The following SLC9B1 variants were observed in gnomAD, a reference collection of about 807,000 sequenced individuals.
The protein encoded by SLC9B1 is solute carrier family 9 member B1.
A neutral mutation model predicts 51.7 loss-of-function variants in SLC9B1; 32 were observed. The observed-to-expected ratio is 0.62, with a 90% CI of 0.47 to 0.83. The LOEUF (loss-of-function observed/expected upper bound fraction) is 0.83, where lower values mean the gene tolerates loss of function less well. Ranked by LOEUF, SLC9B1 falls within the 40% of genes least tolerant of loss-of-function variation. The pLI, the probability that SLC9B1 is intolerant of heterozygous loss-of-function variation, is 0.00. For synonymous variants in SLC9B1, 145 were observed against 212.7 expected, an observed-to-expected ratio of 0.68 and a Z score of 2.77; for missense variants, 406 against 613.2, an observed-to-expected ratio of 0.66 and a Z score of 3.57.
rs1319877290 is a variant in SLC9B1 at position 102,943,504 on chromosome 4, T to TACACACAC, written c.653+1688_653+1689insGTGTGTGT. On this transcript the variant is annotated intron_variant, in intron 6 of 11. Transcript: ENST00000296422. ...GTATCTATGTGTATATATGTGTATGTATACACACACACACACACACACACA... is the reference window on the plus strand; with the variant it reads ...GTATCTATGTGTATATATGTGTATGTACACACACATACACACACACACACACACACACA... Among the ~76,000 whole-genome samples, 228 of 72,014 alleles carry TACACACAC rather than the reference T, an allele frequency of 3.2e-3. 2 individuals are homozygous for TACACACAC. The highest frequency in any genetic ancestry group is 8.6e-3 in the African/African-American group (164 of 19,138). The allele number at this position is 72,014 out of a possible 152,430, so 47.2% of individuals were successfully genotyped here.
chr4:102,955,898 A>AG (rs1491112296), intron 3 of SLC9B1, among the ~76,000 whole-genome samples: 10 of 98,392 alleles, frequency 1.0e-4, no homozygotes, highest in East Asian at 9.6e-4. Flanking sequence ...AGAAAGAAAG[A>AG]AAGAGAGAGA....
At chr4:103,009,897 AG>A (rs1177254890) in intron 1 of SLC9B1, among the ~76,000 whole-genome samples, 4 of 142,118 alleles carry the variant, frequency 2.8e-5, no homozygotes, top group Non-Finnish European at 6.1e-5. Context: ...TCTTTATAAA[AG>A]GCATTCAAAC....
intron 1 of SLC9B1, among the ~76,000 whole-genome samples, chr4:102,996,637 C>T (rs953217883): frequency 2.0e-5 from 3 of 152,150 alleles, no homozygotes; most frequent in Non-Finnish European, 2.9e-5. Context: ...TGACTCAGCA[C>T]AATTTATTAA....
chr4:102,988,167 T>G (rs1257932939), intron 3 of SLC9B1, among the ~76,000 whole-genome samples: 1 of 152,076 alleles, frequency 6.6e-6, no homozygotes, highest in Non-Finnish European at 1.5e-5. Context: ...AAAAAAAGCT[T>G]CATAAAAATA....
intron 3 of SLC9B1, among the ~76,000 whole-genome samples, chr4:102,974,637 AT>A (rs1738959685): frequency 6.6e-6 from 1 of 152,188 alleles, no homozygotes; most frequent in Non-Finnish European, 1.5e-5. Flanking sequence ...TCCTGTATCT[AT>A]TTTTAAAAAT....
At chr4:103,000,504 T>C (rs1252076206) in intron 1 of SLC9B1, among the ~76,000 whole-genome samples, 2 of 152,236 alleles carry the variant, frequency 1.3e-5, no homozygotes, top group African/African-American at 4.8e-5. Context: ...AGTTAGTTAC[T>C]TCCAAGATAC....
rs546174893 is a variant in SLC9B1, at chr4:102,894,682, C to T, written c.1333-9354G>A. Among the ~76,000 whole-genome samples the T allele has an allele frequency of 6.6e-5, 10 of 152,264 alleles. No individual in the cohort carries two copies. The East Asian group carries it at 1.5e-3, about 23-fold the overall frequency. ...TGAATAAGAAACACATGAGGCTAGG[C>T]GCAGTGGCTCATACCTGTAATCTCA... On this transcript the variant is annotated intron_variant, in intron 11 of 11. Transcript: ENST00000394789.
At chr4:102,971,426 T>C (rs1052134486) in intron 3 of SLC9B1, among the ~76,000 whole-genome samples, 1 of 152,154 alleles carries the variant, frequency 6.6e-6, no homozygotes, top group Non-Finnish European at 1.5e-5. Context: ...AATAAAGATG[T>C]TCTTTGAAAC....
chr4:102,945,130 A>G, intron 6 of SLC9B1, 63 bp downstream of exon 6: 2 of 1,414,660 alleles, frequency 1.4e-6, no homozygotes, highest in Non-Finnish European at 1.9e-6. Flanking sequence ...TGAATATTTT[A>G]ACAGTTTTAA....
chr4:102,929,398 G>A (rs891925123), intron 7 of SLC9B1, among the ~76,000 whole-genome samples: 1 of 152,148 alleles, frequency 6.6e-6, no homozygotes, highest in African/African-American at 2.4e-5. Context: ...TTCCTTACCT[G>A]TAAATGAGTG....
intron 1 of SLC9B1, among the ~76,000 whole-genome samples, chr4:102,992,138 C>T (rs1183318530): frequency 1.3e-5 from 2 of 152,096 alleles, no homozygotes; most frequent in Non-Finnish European, 2.9e-5. Flanking sequence ...TTAATACCTA[C>T]ATCTATAAGT....
intron 6 of SLC9B1, among the ~76,000 whole-genome samples, chr4:102,939,488 G>T (rs1489448390): frequency 2.0e-5 from 3 of 150,934 alleles, no homozygotes; most frequent in Admixed American, 6.6e-5. Flanking sequence ...AAGAAGAGCT[G>T]GTACCAATGC....
chr4:102,966,089 T>C (rs1386226608), intron 3 of SLC9B1, among the ~76,000 whole-genome samples: 1 of 152,376 alleles, frequency 6.6e-6, no homozygotes, highest in Admixed American at 6.5e-5. Context: ...TGGATACCTA[T>C]GGCTTTTCCA....
intron 10 of SLC9B1, 49 bp from the exon 11 acceptor site, chr4:102,905,699 T>G: frequency 6.5e-7 from 1 of 1,535,828 alleles, no homozygotes; most frequent in Non-Finnish European, 8.9e-7. Flanking sequence ...TGTGAAGAAG[T>G]GTTCTTCATG....
chr4:102,888,625 T>A (rs1363190399), intron 11 of SLC9B1: 5 of 152,270 alleles, frequency 3.3e-5, no homozygotes, highest in Non-Finnish European at 5.9e-5. Flanking sequence ...TCATCTTACA[T>A]TACTACTCTC....
chr4:102,957,519 C>T (rs1162932642), intron 3 of SLC9B1, among the ~76,000 whole-genome samples: 1 of 152,026 alleles, frequency 6.6e-6, no homozygotes, highest in Non-Finnish European at 1.5e-5. Context: ...AGCGACATTT[C>T]AAAAGTGGAG....
At chr4:102,899,547 G>A (rs1278702846), downstream of SLC9B1, among the ~76,000 whole-genome samples, 2 of 151,834 alleles carry the variant, frequency 1.3e-5, no homozygotes, top group Non-Finnish European at 2.9e-5. Flanking sequence ...CTGAGTAGCT[G>A]GGATTACAGG....
At chr4:102,974,636 T>C (rs184828282) in intron 3 of SLC9B1, among the ~76,000 whole-genome samples, 315 of 152,306 alleles carry the variant, frequency 2.1e-3, no homozygotes, top group African/African-American at 7.1e-3. Flanking sequence ...TTCCTGTATC[T>C]ATTTTTAAAA....
intron 1 of SLC9B1, among the ~76,000 whole-genome samples, chr4:103,016,134 CA>C (rs61227731): frequency 0.016 from 776 of 49,626 alleles, 20 homozygotes; most frequent in African/African-American, 0.062. Context: ...AACTCTGTCT[CA>C]AAAAAAAAAA....
Sources: allele counts gnomAD v4.1 joint callset (sites outside exome capture counted in the v4.1 genomes callset), GRCh38; gene constraint gnomAD v4.1.1; transcripts MANE v1.5; gene names NCBI Gene and HGNC (gene_info 2026-07-23, HGNC 2026-07-21).